Variants in TENM4 observed in about 807,000 individuals in gnomAD.
TENM4 encodes teneurin-4.
A neutral mutation model predicts 243.3 loss-of-function variants in TENM4; 82 were observed. That is an observed-to-expected ratio of 0.34 (90% CI 0.28 to 0.40). TENM4 has a LOEUF of 0.40. Ranked by LOEUF, TENM4 falls within the 10% of genes least tolerant of loss-of-function variation. The probability of loss-of-function intolerance (pLI) is 1.00; values close to 1 mark genes in which losing one functional copy is unlikely to be tolerated. For synonymous variants in TENM4, 1,412 were observed against 1,456.3 expected, an observed-to-expected ratio of 0.97 and a Z score of 0.69; for missense variants, 3,138 against 3,673.3, an observed-to-expected ratio of 0.85 and a Z score of 3.77.
intron 18 of TENM4, among the ~76,000 whole-genome samples, chr11:78,768,527 G>A (rs937217500): frequency 8.5e-5 from 13 of 152,334 alleles, no homozygotes; most frequent in Middle Eastern, 3.4e-3. Flanking sequence ...CTTCACAAGG[G>A]TAGGGACTGT....
intron 6 of TENM4, among the ~76,000 whole-genome samples, chr11:78,936,497 G>A (rs1856787226): frequency 1.3e-5 from 2 of 152,158 alleles, no homozygotes; most frequent in African/African-American, 4.8e-5. Flanking sequence ...TATTTCTGAG[G>A]AACTGTTAAC....
chr11:78,801,515 A>G, intron 15 of TENM4, among the ~76,000 whole-genome samples: 1 of 152,198 alleles, frequency 6.6e-6, no homozygotes, highest in East Asian at 1.9e-4. Flanking sequence ...ACACTTGTAT[A>G]AAATCTGACT....
intron 6 of TENM4, among the ~76,000 whole-genome samples, chr11:78,935,480 G>A (rs1461900494): frequency 2.6e-4 from 40 of 152,160 alleles, no homozygotes; most frequent in Non-Finnish European, 7.3e-5. Flanking sequence ...TACAGGTGAG[G>A]AAATGGGCTC....
At chr11:79,162,770 G>A (rs1375633507) in intron 3 of TENM4, among the ~76,000 whole-genome samples, 1 of 152,150 alleles carries the variant, frequency 6.6e-6, no homozygotes, top group Non-Finnish European at 1.5e-5. Context: ...GGCAGGTCCT[G>A]GAAGGTCTCC....
intron 32 of TENM4, among the ~76,000 whole-genome samples, chr11:78,668,401 T>G (rs570877494): frequency 6.6e-6 from 1 of 152,334 alleles, no homozygotes; most frequent in South Asian, 2.1e-4. Flanking sequence ...AGTTAAATAA[T>G]TTTTGTAACA....
chr11:78,868,723 G>A (rs1426229864), intron 9 of TENM4, among the ~76,000 whole-genome samples: 2 of 152,144 alleles, frequency 1.3e-5, no homozygotes, highest in Admixed American at 6.5e-5. Flanking sequence ...CTGCTGTCAC[G>A]ATGCACACTT....
chr11:78,736,356 A>G (rs1855792238), intron 20 of TENM4, among the ~76,000 whole-genome samples: 1 of 150,874 alleles, frequency 6.6e-6, no homozygotes, highest in African/African-American at 2.5e-5. Context: ...TCTATTTTCC[A>G]TTTTTTAAAT....
At chr11:79,131,866 CA>C (rs1019669201) in intron 4 of TENM4, among the ~76,000 whole-genome samples, 3 of 152,012 alleles carry the variant, frequency 2.0e-5, no homozygotes, top group African/African-American at 7.3e-5. Context: ...AAATGGACAC[CA>C]AAAGCCAGCA....
chr11:79,318,133 A>G (rs1199960949), intron 1 of TENM4, among the ~76,000 whole-genome samples: 1 of 152,216 alleles, frequency 6.6e-6, no homozygotes, highest in Non-Finnish European at 1.5e-5. Flanking sequence ...GCTCTGAGAA[A>G]TGATGATTTA....
chr11:78,726,114 C>A lies in TENM4; in HGVS notation c.3515G>T (p.Ser1172Ile). 1 of 1,614,020 alleles carries A rather than the reference C, an allele frequency of 6.2e-7. No homozygotes were observed. The highest frequency in any genetic ancestry group is 8.5e-7 in the Non-Finnish European group (1 of 1,179,896). Residue 1172 changes from serine to isoleucine, a missense_variant, in exon 23 of 34, where the codon AGC becomes ATC. Around this residue, in one of 2 missense-constraint regions of TENM4, gnomAD observed 2,467 missense variants for 3,059.1 expected, o/e 0.81. Coordinates refer to ENST00000278550, the MANE Select transcript of TENM4 (RefSeq NM_001098816.3). ...GTTGAGGGCATGATGTTTGTCTAGGCTCCATCCTCCAAGCTTGGACGCGTC... is the reference window on the plus strand; with the variant it reads ...GTTGAGGGCATGATGTTTGTCTAGGATCCATCCTCCAAGCTTGGACGCGTC... Reference protein sequence around the residue: ...EIDASKLGGWSLDKHHALNIQ... With the variant: ...EIDASKLGGWILDKHHALNIQ...
chr11:78,689,119 G>C (rs1379821603), intron 28 of TENM4, among the ~76,000 whole-genome samples: 2 of 152,164 alleles, frequency 1.3e-5, no homozygotes, highest in African/African-American at 4.8e-5. Context: ...TTGAGGCTTG[G>C]AAGAGTGAAG....
intron 1 of TENM4, among the ~76,000 whole-genome samples, chr11:79,317,230 A>G (rs1463067471): frequency 6.6e-6 from 1 of 152,258 alleles, no homozygotes; most frequent in East Asian, 1.9e-4. Flanking sequence ...TTCAAGGAAG[A>G]CACAACTCCA....
intron 6 of TENM4, among the ~76,000 whole-genome samples, chr11:78,915,179 C>T (rs1856286692): frequency 6.6e-6 from 1 of 152,190 alleles, no homozygotes; most frequent in African/African-American, 2.4e-5. Context: ...TGGCTATGCA[C>T]ATATTGTTTT....
intron 3 of TENM4, among the ~76,000 whole-genome samples, chr11:79,167,296 G>A (rs1862936083): frequency 6.6e-6 from 1 of 152,184 alleles, no homozygotes; most frequent in African/African-American, 2.4e-5. Context: ...TGTGACAGGA[G>A]TTCAACCTTT....
chr11:78,735,812 TCA>T (rs955645293), intron 20 of TENM4, among the ~76,000 whole-genome samples: 2 of 151,948 alleles, frequency 1.3e-5, no homozygotes, highest in Non-Finnish European at 2.9e-5. Context: ...GCACAGGGCC[TCA>T]CACATTCCCT....
intron 19 of TENM4, among the ~76,000 whole-genome samples, chr11:78,755,982 T>C (rs1352574129): frequency 6.6e-6 from 1 of 152,178 alleles, no homozygotes; most frequent in East Asian, 1.9e-4. Flanking sequence ...ATCCCTGCTC[T>C]TGGATATGCT....
chr11:78,782,455 G>A (rs1263918102), intron 16 of TENM4, among the ~76,000 whole-genome samples: 1 of 152,208 alleles, frequency 6.6e-6, no homozygotes, highest in Non-Finnish European at 1.5e-5. Flanking sequence ...AAATTAGCCA[G>A]GTGTGGTGGC....
intron 32 of TENM4, among the ~76,000 whole-genome samples, chr11:78,662,650 A>G (rs771796480): frequency 6.6e-6 from 1 of 152,198 alleles, no homozygotes; most frequent in Non-Finnish European, 1.5e-5. Flanking sequence ...GAATGGAATC[A>G]GGAAGCCAAG....
At chr11:78,875,270 C>G (rs554634313) in intron 9 of TENM4, among the ~76,000 whole-genome samples, 47 of 152,178 alleles carry the variant, frequency 3.1e-4, no homozygotes, top group Non-Finnish European at 3.1e-4. Flanking sequence ...ACTCTGTTGC[C>G]CAGGCTCACT....
Sources: allele counts gnomAD v4.1 joint callset (sites outside exome capture counted in the v4.1 genomes callset), GRCh38; gene constraint gnomAD v4.1.1; regional missense constraint gnomAD v4.1.1; transcripts MANE v1.5; gene names NCBI Gene and HGNC (gene_info 2026-07-23, HGNC 2026-07-21).